AGBL4: variants seen among roughly 807,000 people sequenced by gnomAD.
AGBL4 encodes the protein cytosolic carboxypeptidase 6.
Under a neutral mutation model 66.4 loss-of-function variants are expected in AGBL4, and 58 were observed. That is an observed-to-expected ratio of 0.87 (90% confidence interval 0.71 to 1.09). The LOEUF (loss-of-function observed/expected upper bound fraction) is 1.09, where lower values mean the gene tolerates loss of function less well. AGBL4 is among the 50% of genes least tolerant of loss of function. The probability of loss-of-function intolerance (pLI) is 0.00; values close to 1 mark genes in which losing one functional copy is unlikely to be tolerated. For synonymous variants in AGBL4, 234 were observed against 222.9 expected (o/e 1.05, Z -0.44); for missense variants, 579 against 631.0 (o/e 0.92, Z 0.88).
At chr1:48,562,029 A>G (rs948991667) in intron 11 of AGBL4, among the ~76,000 whole-genome samples, 1 of 152,248 alleles carries the variant, frequency 6.6e-6, no homozygotes, top group African/African-American at 2.4e-5. Context: ...ACTTAGATAC[A>G]GATATTGATA....
chr1:48,644,888 G>A (rs1256040686), intron 8 of AGBL4, among the ~76,000 whole-genome samples: 1 of 152,220 alleles, frequency 6.6e-6, no homozygotes, highest in Admixed American at 6.5e-5. Flanking sequence ...AAATGGTGAA[G>A]TTCTTGATTC....
At chr1:49,151,768 A>C (rs1169753768) in intron 4 of AGBL4, among the ~76,000 whole-genome samples, 2 of 152,176 alleles carry the variant, frequency 1.3e-5, no homozygotes, top group African/African-American at 4.8e-5. Context: ...GTGTTGTAAA[A>C]AGTCCTGCTG....
At chr1:49,511,449 C>G (rs568158029) in intron 3 of AGBL4, among the ~76,000 whole-genome samples, 6 of 99,280 alleles carry the variant, frequency 6.0e-5, no homozygotes, top group Non-Finnish European at 9.3e-5. Flanking sequence ...ACTCTGGGGA[C>G]TGTTGTGGGG....
intron 2 of AGBL4, among the ~76,000 whole-genome samples, chr1:49,702,485 G>A (rs558672874): frequency 6.6e-4 from 100 of 151,830 alleles, no homozygotes; most frequent in Middle Eastern, 3.4e-3. Context: ...GCGAGGCTCC[G>A]TCCCAAAAAA....
intron 6 of AGBL4, among the ~76,000 whole-genome samples, chr1:48,674,143 G>A (rs968570298): frequency 1.3e-5 from 2 of 152,156 alleles, no homozygotes; most frequent in African/African-American, 4.8e-5. Flanking sequence ...TCACACCTCT[G>A]TCCAGAGGAC....
intron 3 of AGBL4, among the ~76,000 whole-genome samples, chr1:49,279,314 T>G (rs549642377): frequency 6.6e-6 from 1 of 152,224 alleles, no homozygotes. Flanking sequence ...ACTCCAAGGA[T>G]TAGGATGACA....
intron 5 of AGBL4, among the ~76,000 whole-genome samples, chr1:49,027,156 T>G: frequency 6.6e-6 from 1 of 152,102 alleles, no homozygotes; most frequent in East Asian, 1.9e-4. Flanking sequence ...ACCGTTTAAC[T>G]GCTAATTTTT....
intron 8 of AGBL4, among the ~76,000 whole-genome samples, chr1:48,635,454 A>G (rs1645653190): frequency 6.6e-6 from 1 of 152,220 alleles, no homozygotes; most frequent in East Asian, 1.9e-4. Flanking sequence ...TTGGCTCCAC[A>G]TTCAGATTTT....
At position 49,149,316 on chromosome 1, in the gene AGBL4, T is replaced by A. The variant is rs116041876; in HGVS notation, c.377+96454A>T. On this transcript the variant is annotated intron_variant, in intron 4 of 13. Transcript: ENST00000371839. ...CCTTTCTCATTGTCTCCAATCCAAG[T>A]GTGAATGTTGTGGTCTCTTGGGCCA... Among the ~76,000 whole-genome samples the A allele has an allele frequency of 1.4e-3, 216 of 152,348 alleles. 1 individual carries two copies. The highest frequency in any genetic ancestry group is 6.8e-3 in the Middle Eastern group (2 of 294).
At chr1:49,874,959 A>G (rs1003719578) in intron 1 of AGBL4, among the ~76,000 whole-genome samples, 39 of 135,980 alleles carry the variant, frequency 2.9e-4, no homozygotes, top group Admixed American at 3.0e-4. Flanking sequence ...ATATCTCCCA[A>G]TGCTATCCCT....
rs558573661 is a variant in AGBL4 at position 48,648,867 on chromosome 1, C to A, written c.839+4470G>T. On this transcript the variant is annotated intron_variant, in intron 8 of 13. Coordinates refer to ENST00000371839, the MANE Select transcript of AGBL4 (RefSeq NM_032785.4). ...GCAGTGTTCCTGTCACAACAACATACAGCTAAAACAACTGGGCCAGGAGGC... is the reference window on the plus strand; with the variant it reads ...GCAGTGTTCCTGTCACAACAACATAAAGCTAAAACAACTGGGCCAGGAGGC... Among the ~76,000 whole-genome samples, 9 of 152,310 alleles carry A rather than the reference C, an allele frequency of 5.9e-5. No individual in the cohort carries two copies. In the South Asian group the frequency reaches 1.7e-3, roughly 28 times the overall value.
chr1:49,260,386 A>T (rs1427426780), intron 3 of AGBL4, among the ~76,000 whole-genome samples: 5 of 151,554 alleles, frequency 3.3e-5, no homozygotes, highest in Non-Finnish European at 5.9e-5. Flanking sequence ...TTTTGAAAGG[A>T]TCAACAAAAT....
chr1:49,448,764 T>C (rs1264630533), intron 3 of AGBL4, among the ~76,000 whole-genome samples: 1 of 152,154 alleles, frequency 6.6e-6, no homozygotes, highest in Non-Finnish European at 1.5e-5. Context: ...AAATGGGAAT[T>C]TGAAATAGAA....
At chr1:49,058,415 C>G (rs1347461355) in intron 4 of AGBL4, among the ~76,000 whole-genome samples, 1 of 152,202 alleles carries the variant, frequency 6.6e-6, no homozygotes, top group East Asian at 1.9e-4. Context: ...AATCCTCCTT[C>G]TTGCCATCAT....
At chr1:49,386,830 G>C (rs1644746504) in intron 3 of AGBL4, among the ~76,000 whole-genome samples, 1 of 151,826 alleles carries the variant, frequency 6.6e-6, no homozygotes, top group African/African-American at 2.4e-5. Context: ...ATTCTCTCTA[G>C]CTAGTTAATT....
chr1:49,603,927 TATACACACAC>T (rs1455741984), intron 3 of AGBL4, among the ~76,000 whole-genome samples: 3 of 107,642 alleles, frequency 2.8e-5, no homozygotes, highest in Non-Finnish European at 5.5e-5. Flanking sequence ...TATTCCATGG[TATACACACAC>T]ACACACACAC....
At chr1:49,763,908 A>C (rs928131292) in intron 2 of AGBL4, among the ~76,000 whole-genome samples, 6 of 152,158 alleles carry the variant, frequency 3.9e-5, no homozygotes, top group Non-Finnish European at 8.8e-5. Context: ...TGGCCAGACT[A>C]TACCACATGA....
At chr1:48,730,781 GGTTTATAACA>G (rs1647994727) in intron 6 of AGBL4, among the ~76,000 whole-genome samples, 1 of 152,120 alleles carries the variant, frequency 6.6e-6, no homozygotes, top group Non-Finnish European at 1.5e-5. Flanking sequence ...TAATTAACAA[GGTTTATAACA>G]GTGCTAATGT....
At chr1:49,842,602 T>G (rs1646025969) in intron 2 of AGBL4, among the ~76,000 whole-genome samples, 1 of 152,184 alleles carries the variant, frequency 6.6e-6, no homozygotes, top group Non-Finnish European at 1.5e-5. Context: ...GAATTTACAT[T>G]CTTGGTGAGG....
Sources: gnomAD v4.1 joint callset for allele counts (sites outside exome capture counted in the v4.1 genomes callset) on GRCh38, gnomAD v4.1.1 for gene constraint, MANE v1.5 for transcripts, NCBI Gene and HGNC (gene_info 2026-07-23, HGNC 2026-07-21) for gene names.